ITPR2: variants seen among roughly 807,000 people sequenced by gnomAD.
The protein encoded by ITPR2 is inositol 1,4,5-trisphosphate-gated calcium channel ITPR2.
A neutral mutation model predicts 317.1 loss-of-function variants in ITPR2; 207 were observed. The ratio of observed to expected loss-of-function variants is 0.65; its 90% CI spans 0.58 to 0.73. The LOEUF (loss-of-function observed/expected upper bound fraction) is 0.73. ITPR2 is among the 30% of genes least tolerant of loss of function. The pLI, the probability that ITPR2 is intolerant of heterozygous loss-of-function variation, is 0.00. For missense variants in ITPR2, 2,613 were observed against 3,284.0 expected, an observed-to-expected ratio of 0.80 and a Z score of 4.99; for synonymous variants, 1,156 against 1,149.1, an observed-to-expected ratio of 1.01 and a Z score of -0.12.
rs762617126 is a variant in ITPR2 at position 26,722,523 on chromosome 12, A to G, written c.399T>C (p.Thr133=). The change falls in exon 5 of 57, where the codon ACT becomes ACC. Residue 133 remains threonine (T), a synonymous_variant. Coordinates refer to ENST00000381340, the MANE Select transcript of ITPR2 (RefSeq NM_002223.4). ...LLHIKSNKYL[T]VNKRLPALLE... Reference sequence around the variant, plus strand: ...GTAAAGCAGGTAATCTCTTGTTGACAGTAAGATATTTGTTGCTTTTTATAT... The same window carrying G: ...GTAAAGCAGGTAATCTCTTGTTGACGGTAAGATATTTGTTGCTTTTTATAT... The G allele has an allele frequency of 4.3e-6, 7 of 1,612,790 alleles. No homozygotes were observed. The East Asian group carries it at 1.6e-4, about 36-fold the overall frequency.
At chr12:26,813,564 A>G (rs1288667218) in intron 1 of ITPR2, among the ~76,000 whole-genome samples, 1 of 152,166 alleles carries the variant, frequency 6.6e-6, no homozygotes, top group Admixed American at 6.5e-5. Flanking sequence ...AGCATTACTG[A>G]GGTATAATTT....
intron 32 of ITPR2, among the ~76,000 whole-genome samples, chr12:26,581,212 T>C (rs1945395655): frequency 6.6e-6 from 1 of 152,186 alleles, no homozygotes; most frequent in Non-Finnish European, 1.5e-5. Context: ...TCACACAAAT[T>C]CATAAAAGAG....
intron 13 of ITPR2, among the ~76,000 whole-genome samples, chr12:26,676,372 G>A (rs879547692): frequency 1.3e-5 from 2 of 151,366 alleles, no homozygotes; most frequent in African/African-American, 2.4e-5. Flanking sequence ...AACTACTCGG[G>A]AGGCTGAGGC....
chr12:26,373,266 G>GATA (rs1197467151), intron 55 of ITPR2, among the ~76,000 whole-genome samples: 1 of 152,198 alleles, frequency 6.6e-6, no homozygotes, highest in Non-Finnish European at 1.5e-5. Context: ...GGACAGAAGA[G>GATA]ATAATGGAAG....
chr12:26,760,751 G>C (rs1287741881), intron 2 of ITPR2, among the ~76,000 whole-genome samples: 1 of 152,182 alleles, frequency 6.6e-6, no homozygotes, highest in Non-Finnish European at 1.5e-5. Flanking sequence ...TGGAGAGTAT[G>C]ATAGTTTCCT....
At chr12:26,517,131 AGAG>A (rs1177017110) in intron 37 of ITPR2, among the ~76,000 whole-genome samples, 1 of 152,162 alleles carries the variant, frequency 6.6e-6, no homozygotes, top group East Asian at 1.9e-4. Context: ...AACTTTTAGA[AGAG>A]AAAAATTCTA....
Position 26,522,852 on chromosome 12 carries a change from C to T in ITPR2, c.5073+27395G>A, listed in dbSNP as rs559742815. Reference sequence around the variant, plus strand: ...CCATGCTTCCACGGCGGGGGGGGAACCCCACAACAACACCGGTTTTGCTAC... The same window carrying T: ...CCATGCTTCCACGGCGGGGGGGGAATCCCACAACAACACCGGTTTTGCTAC... On this transcript the variant is annotated intron_variant, in intron 37 of 56. Coordinates refer to ENST00000381340, the MANE Select transcript of ITPR2 (RefSeq NM_002223.4). 1.8e-4 allele frequency among the ~76,000 whole-genome samples: 27 copies of T among 152,206 alleles called. 1 individual carries two copies. Among genetic ancestry groups the T allele is most frequent in the African/African-American group, 5.8e-4 (24 of 41,478 alleles).
At chr12:26,451,406 C>CACACACACACACAT (rs1941738828) in intron 45 of ITPR2, among the ~76,000 whole-genome samples, 1 of 138,772 alleles carries the variant, frequency 7.2e-6, no homozygotes, top group African/African-American at 2.5e-5. Context: ...CACACACACA[C>CACACACACACACAT]ACGGAAAGTA....
At position 26,565,788 on chromosome 12, in the gene ITPR2, A is replaced by C. The variant is rs555812339; in HGVS notation, c.4631-3836T>G. The stretch of plus-strand genomic sequence containing the variant: ...AGCCACTGCATCTAGCCTAGGCAAC[A>C]CAGCAAAACCCTGTCTCTAAAAAGG... On this transcript the variant is annotated intron_variant, in intron 34 of 56. Transcript: ENST00000381340. 6.7e-5 allele frequency among the ~76,000 whole-genome samples: 10 copies of C among 149,046 alleles called. No individual in the cohort carries two copies. In the South Asian group the frequency reaches 2.0e-3, roughly 29 times the overall value.
intron 9 of ITPR2, among the ~76,000 whole-genome samples, chr12:26,706,699 C>G (rs1754897221): frequency 6.6e-6 from 1 of 152,148 alleles, no homozygotes; most frequent in African/African-American, 2.4e-5. Context: ...CATCACTGAT[C>G]TCTACCAAAG....
chr12:26,424,586 G>GTTTTTTTTTTTTTT (rs775756580), intron 49 of ITPR2, among the ~76,000 whole-genome samples: 16 of 88,702 alleles, frequency 1.8e-4, no homozygotes, highest in South Asian at 4.3e-4. Flanking sequence ...TTCGTTTTGT[G>GTTTTTTTTTTTTTT]TTTTTTTTTT....
Position 26,600,106 on chromosome 12 carries a change from C to T in ITPR2, c.3682G>A (p.Asp1228Asn). The change falls in exon 29 of 57, where the codon GAT (aspartate) becomes AAT (asparagine). Residue 1228 changes from aspartate (D) to asparagine (N), a missense_variant. Around this residue, in one of 9 missense-constraint regions of ITPR2, gnomAD observed 817 missense variants for 897.6 expected, o/e 0.91. Transcript: ENST00000381340. Reference sequence around the variant, plus strand: ...TTCATTACTTCATTCATCTTTTCATCATTCTGTAAGTTAAAGAATAGCACA... The same window carrying T: ...TTCATTACTTCATTCATCTTTTCATTATTCTGTAAGTTAAAGAATAGCACA... ...DLLQIPYEKN[D>N]EKMNEVMNLA... The T allele has an allele frequency of 6.2e-7, 1 of 1,607,552 alleles. No individual in the cohort carries two copies. Among genetic ancestry groups the T allele is most frequent in the Non-Finnish European group, 8.5e-7 (1 of 1,175,712 alleles).
intron 55 of ITPR2, among the ~76,000 whole-genome samples, chr12:26,380,636 G>A (rs1397904107): frequency 7.9e-5 from 12 of 152,146 alleles, no homozygotes. Context: ...CAAAATTAGT[G>A]TAAACTAGAA....
intron 21 of ITPR2, among the ~76,000 whole-genome samples, chr12:26,652,716 T>G (rs1195002625): frequency 3.3e-5 from 5 of 152,182 alleles, no homozygotes; most frequent in Admixed American, 2.6e-4. Context: ...TGCCTTAATT[T>G]GTGACAATTC....
chr12:26,365,999 A>G (rs1938996277), intron 55 of ITPR2, among the ~76,000 whole-genome samples: 1 of 152,182 alleles, frequency 6.6e-6, no homozygotes, highest in Non-Finnish European at 1.5e-5. Context: ...ACCAGAAGAG[A>G]AATCTATTTT....
chr12:26,716,956 C>T (rs562532732), intron 5 of ITPR2, among the ~76,000 whole-genome samples: 1 of 152,124 alleles, frequency 6.6e-6, no homozygotes, highest in African/African-American at 2.4e-5. Flanking sequence ...GTTATTGTAG[C>T]AATATCCACC....
intron 2 of ITPR2, among the ~76,000 whole-genome samples, chr12:26,768,994 A>AACACAC (rs143843238): frequency 0.07 from 6,770 of 96,862 alleles, 282 homozygotes; most frequent in African/African-American, 0.1. Flanking sequence ...CATCCAGTAG[A>AACACAC]ACACACACAC....
chr12:26,578,595 A>C, intron 34 of ITPR2, 118 bp downstream of exon 34: 4 of 886,346 alleles, frequency 4.5e-6, no homozygotes, highest in Non-Finnish European at 5.0e-6. Flanking sequence ...TCAGTTTAAC[A>C]GAAAACATAC....
At chr12:26,501,154 AAGG>A (rs1943062169) in intron 37 of ITPR2, among the ~76,000 whole-genome samples, 1 of 152,160 alleles carries the variant, frequency 6.6e-6, no homozygotes, top group African/African-American at 2.4e-5. Flanking sequence ...CAAGATCTAC[AAGG>A]AGGTGATGAT....
Sources: gnomAD v4.1 joint callset for allele counts (sites outside exome capture counted in the v4.1 genomes callset) on GRCh38, gnomAD v4.1.1 for gene constraint, gnomAD v4.1.1 regional missense constraint, MANE v1.5 for transcripts, NCBI Gene and HGNC (gene_info 2026-07-23, HGNC 2026-07-21) for gene names.